Variants in RPS6KA2 observed in about 807,000 individuals in gnomAD.
The protein encoded by RPS6KA2 is ribosomal protein S6 kinase A2.
Under a neutral mutation model 91.8 loss-of-function variants are expected in RPS6KA2, and 42 were observed. That is an observed-to-expected ratio of 0.46 (90% CI 0.36 to 0.59). RPS6KA2 has a LOEUF of 0.59. RPS6KA2 is among the 20% of genes least tolerant of loss of function. The pLI is 0.00. For synonymous variants in RPS6KA2, 414 were observed against 393.6 expected, an observed-to-expected ratio of 1.05 and a Z score of -0.61; for missense variants, 798 against 978.5, an observed-to-expected ratio of 0.82 and a Z score of 2.46.
At chr6:166,729,027 C>T (rs1790431286) in intron 2 of RPS6KA2, among the ~76,000 whole-genome samples, 1 of 152,250 alleles carries the variant, frequency 6.6e-6, no homozygotes, top group Admixed American at 6.5e-5. Flanking sequence ...CAGGCTGACA[C>T]ATGGAGTGCT....
chr6:166,850,490 G>T (rs1289131834), intron 2 of RPS6KA2, among the ~76,000 whole-genome samples: 1 of 152,198 alleles, frequency 6.6e-6, no homozygotes, highest in African/African-American at 2.4e-5. Context: ...ATTTTTAAAA[G>T]CAGCTCCATC....
intron 10 of RPS6KA2, among the ~76,000 whole-genome samples, chr6:166,473,516 T>C (rs1337389133): frequency 1.3e-5 from 2 of 152,206 alleles, no homozygotes; most frequent in Non-Finnish European, 2.9e-5. Flanking sequence ...GCACCGATTC[T>C]GTCCAGCTCT....
chr6:166,625,677 T>C (rs1786846495), intron 1 of RPS6KA2, among the ~76,000 whole-genome samples: 1 of 152,204 alleles, frequency 6.6e-6, no homozygotes, highest in African/African-American at 2.4e-5. Flanking sequence ...TAAGTGCCTG[T>C]GTCCCAGGAA....
chr6:166,484,841 T>A (rs1781351007), intron 10 of RPS6KA2, among the ~76,000 whole-genome samples: 1 of 152,272 alleles, frequency 6.6e-6, no homozygotes, highest in Non-Finnish European at 1.5e-5. Flanking sequence ...TCCTTGCAGC[T>A]AAAAGCAATT....
intron 15 of RPS6KA2, 21 bp from the exon 16 acceptor site, chr6:166,430,632 G>A (rs201654355): frequency 8.4e-5 from 135 of 1,598,752 alleles, no homozygotes; most frequent in Middle Eastern, 3.3e-4. Flanking sequence ...GAGAAGGGGC[G>A]CACACGTCAC....
intron 1 of RPS6KA2, among the ~76,000 whole-genome samples, chr6:166,562,582 G>C (rs1583281671): frequency 2.0e-5 from 3 of 152,232 alleles, no homozygotes; most frequent in East Asian, 3.9e-4. Context: ...TCCCAAACTG[G>C]TCCTAAGCAC....
chr6:166,757,102 G>T (rs1778034242), intron 2 of RPS6KA2, among the ~76,000 whole-genome samples: 1 of 151,962 alleles, frequency 6.6e-6, no homozygotes. Flanking sequence ...TTTTTTAAAG[G>T]GCAAACTGCT....
intron 10 of RPS6KA2, among the ~76,000 whole-genome samples, chr6:166,476,677 T>C (rs892620188): frequency 1.2e-4 from 18 of 151,280 alleles, no homozygotes; most frequent in South Asian, 8.4e-4. Flanking sequence ...GGGGAGGCCA[T>C]AGAGAGGGAG....
rs983830065 is a variant in RPS6KA2, at chr6:166,433,113, C to T, written c.1333-623G>A. Among the ~76,000 whole-genome samples the T allele has an allele frequency of 1.3e-5, 2 of 151,682 alleles. No individual in the cohort carries two copies. The highest frequency in any genetic ancestry group is 2.1e-4 in the South Asian group (1 of 4,804). ...GTGCCACCAAATAACAGACTGTGTC[C>T]CACCCTCGCAGTGGGCACCATCCAC... On this transcript the variant is annotated intron_variant, in intron 14 of 20. Transcript: ENST00000265678. This position sits in a 1 kb window ranked among gnomAD's most constrained non-coding sequence, Gnocchi z 4.4.
intron 2 of RPS6KA2, among the ~76,000 whole-genome samples, chr6:166,779,211 G>C (rs1778704333): frequency 6.6e-6 from 1 of 152,150 alleles, no homozygotes; most frequent in South Asian, 2.1e-4. Context: ...CGGCCCTCAG[G>C]ATGGTGCAAC....
intron 2 of RPS6KA2, among the ~76,000 whole-genome samples, chr6:166,720,262 T>G (rs960666883): frequency 6.6e-6 from 1 of 152,214 alleles, no homozygotes; most frequent in African/African-American, 2.4e-5. Context: ...TCCTCTTATG[T>G]GCTTGGAATG....
intron 2 of RPS6KA2, among the ~76,000 whole-genome samples, chr6:166,824,221 T>C (rs111660453): frequency 1.8e-4 from 28 of 151,996 alleles, no homozygotes; most frequent in African/African-American, 6.5e-4. Context: ...TCATAGCAAA[T>C]GAATGAATGA....
In RPS6KA2 at chr6:166,554,061, ATCTG is replaced by A. The variant is rs1484278453; in HGVS notation, c.100-15281_100-15278del. On this transcript the variant is annotated intron_variant, in intron 1 of 20. Coordinates refer to ENST00000265678, the MANE Select transcript of RPS6KA2 (RefSeq NM_021135.6). This position sits in a 1 kb window ranked among gnomAD's most constrained non-coding sequence, Gnocchi z 4.3. Reference sequence around the variant, plus strand: ...AAACTGCACCAAACCCTGTGTGTGTATCTGTCTATCTGTCTGTCCAGGCAAGAAC... The same window carrying A: ...AAACTGCACCAAACCCTGTGTGTGTATCTATCTGTCTGTCCAGGCAAGAAC... 6.6e-6 allele frequency among the ~76,000 whole-genome samples: 1 copy of A among 152,138 alleles called. No homozygotes were observed. Among genetic ancestry groups the A allele is most frequent in the Admixed American group, 6.5e-5 (1 of 15,272 alleles).
intron 2 of RPS6KA2, among the ~76,000 whole-genome samples, chr6:166,740,500 A>G (rs1790779734): frequency 6.6e-6 from 1 of 152,254 alleles, no homozygotes; most frequent in African/African-American, 2.4e-5. Context: ...ACTGAGTATA[A>G]CAATTTAACA....
chr6:166,707,216 G>T (rs570601770), intron 2 of RPS6KA2, among the ~76,000 whole-genome samples: 6 of 152,226 alleles, frequency 3.9e-5, no homozygotes, highest in Admixed American at 6.5e-5. Flanking sequence ...TGCCGGGAAG[G>T]GGGCAGCTCT....
chr6:166,775,454 T>A (rs1583104291), intron 2 of RPS6KA2, among the ~76,000 whole-genome samples: 1 of 152,224 alleles, frequency 6.6e-6, no homozygotes, highest in Non-Finnish European at 1.5e-5. Flanking sequence ...CATTTTGTTA[T>A]AACAAACAAA....
At chr6:166,777,193 C>T (rs948001815) in intron 2 of RPS6KA2, among the ~76,000 whole-genome samples, 1 of 152,170 alleles carries the variant, frequency 6.6e-6, no homozygotes, top group Admixed American at 6.5e-5. Context: ...GAGAAGAGGA[C>T]GGGAGACATC....
intron 2 of RPS6KA2, among the ~76,000 whole-genome samples, chr6:166,836,248 G>A (rs978911529): frequency 2.0e-5 from 3 of 151,790 alleles, no homozygotes; most frequent in Admixed American, 1.3e-4. Context: ...TTTTAGTATC[G>A]GGGTAATTTT....
At chr6:166,749,752 C>A (rs1268639156) in intron 2 of RPS6KA2, among the ~76,000 whole-genome samples, 2 of 132,012 alleles carry the variant, frequency 1.5e-5, no homozygotes, top group African/African-American at 6.4e-5. Flanking sequence ...CTTCCTCAGG[C>A]CCCCATCTCC....
Sources: allele counts gnomAD v4.1 joint callset (sites outside exome capture counted in the v4.1 genomes callset), GRCh38; gene constraint gnomAD v4.1.1; non-coding constraint Gnocchi (gnomAD v3.1); transcripts MANE v1.5; gene names NCBI Gene and HGNC (gene_info 2026-07-23, HGNC 2026-07-21).